ZCCHC17: variants seen among roughly 807,000 people sequenced by gnomAD.
ZCCHC17 encodes the protein zinc finger CCHC-type containing 17.
A neutral mutation model predicts 30.6 loss-of-function variants in ZCCHC17; 18 were observed. The observed-to-expected ratio is 0.59, with a 90% CI of 0.41 to 0.87. The LOEUF is 0.87. Ranked by LOEUF, ZCCHC17 falls within the 40% of genes least tolerant of loss-of-function variation. The probability of loss-of-function intolerance (pLI) is 0.00; values close to 1 mark genes in which losing one functional copy is unlikely to be tolerated. For synonymous variants in ZCCHC17, 88 were observed against 92.4 expected (o/e 0.95, Z 0.27); for missense variants, 263 against 284.2 (o/e 0.93, Z 0.54).
intron 2 of ZCCHC17, among the ~76,000 whole-genome samples, chr1:31,318,472 C>G (rs1338657732): frequency 6.6e-6 from 1 of 152,158 alleles, no homozygotes; most frequent in Non-Finnish European, 1.5e-5. Flanking sequence ...TCTTAGACAA[C>G]TCTGCAGAAG....
chr1:31,317,750 G>T (rs1357992969), intron 2 of ZCCHC17, among the ~76,000 whole-genome samples: 1 of 152,090 alleles, frequency 6.6e-6, no homozygotes, highest in African/African-American at 2.4e-5. Flanking sequence ...CTACAGGCAC[G>T]TTGCACAGCA....
rs774162629 is a variant in ZCCHC17 at position 31,338,966 on chromosome 1, G to C, written c.235G>C (p.Asp79His). The C allele has an allele frequency of 6.2e-7, 1 of 1,605,952 alleles. No homozygotes were observed. The highest frequency in any genetic ancestry group is 8.5e-7 in the Non-Finnish European group (1 of 1,177,944). Residue 79 changes from aspartate to histidine, a missense_variant, in exon 5 of 8, where the codon GAT becomes CAT. Transcript: ENST00000344147. ...TTTTGGTCTCTTTCAGATGAAAAAT[G>C]ATAGAATAAAAGTATCCCTCTCCAT... ...VKLIGREMKN[D>H]RIKVSLSMKV...
At chr1:31,340,643 G>C (rs1639016865) in intron 5 of ZCCHC17, among the ~76,000 whole-genome samples, 1 of 152,300 alleles carries the variant, frequency 6.6e-6, no homozygotes, top group Non-Finnish European at 1.5e-5. Context: ...ACTGTTTTTA[G>C]TGTTTTAGAA....
chr1:31,301,334 T>C (rs902998320), intron 1 of ZCCHC17, among the ~76,000 whole-genome samples: 4 of 152,182 alleles, frequency 2.6e-5, no homozygotes, highest in African/African-American at 9.7e-5. Context: ...TCCCTAAAAA[T>C]GATTTGAATC....
intron 7 of ZCCHC17, among the ~76,000 whole-genome samples, chr1:31,349,946 A>T (rs1639410162): frequency 6.6e-6 from 1 of 152,218 alleles, no homozygotes; most frequent in South Asian, 2.1e-4. Flanking sequence ...TTAGGGCTTT[A>T]ACGCTCTTGA....
intron 7 of ZCCHC17, 120 bp from the exon 8 acceptor site, chr1:31,363,912 C>A: frequency 7.0e-7 from 1 of 1,426,728 alleles, no homozygotes; most frequent in Non-Finnish European, 9.2e-7. Context: ...TTCCTCCCAC[C>A]TCGGCTTCCC....
At chr1:31,320,894 C>T (rs1174862266) in intron 3 of ZCCHC17, among the ~76,000 whole-genome samples, 1 of 152,292 alleles carries the variant, frequency 6.6e-6, no homozygotes, top group East Asian at 1.9e-4. Context: ...ATTTTACATT[C>T]CTACCAGCAA....
At chr1:31,304,481 A>T (rs1646399725) in intron 1 of ZCCHC17, among the ~76,000 whole-genome samples, 1 of 150,962 alleles carries the variant, frequency 6.6e-6, no homozygotes, top group Non-Finnish European at 1.5e-5. Context: ...ATGGGGTTTC[A>T]TCGTGTTGCC....
At chr1:31,346,429 A>T (rs562629711) in intron 5 of ZCCHC17, 36 of 464,038 alleles carry the variant, frequency 7.8e-5, no homozygotes, top group Non-Finnish European at 1.2e-4. Flanking sequence ...TCCTCTGTGC[A>T]TTAGTGAGAT....
Position 31,318,172 on chromosome 1 carries a change from G to A in ZCCHC17, c.67-937G>A, listed in dbSNP as rs753677173. 59 of 1,534,642 alleles carry A rather than the reference G, an allele frequency of 3.8e-5. No homozygotes were observed. In the South Asian group the frequency reaches 5.8e-4, roughly 15 times the overall value. On this transcript the variant is annotated intron_variant, in intron 2 of 7. Coordinates refer to ENST00000344147, the MANE Select transcript of ZCCHC17 (RefSeq NM_016505.4). ...ATTTACTCCCCTTGTTTTAGTTATG[G>A]TGAAGCTGAAACAGTGCTCAAGATG...
intron 1 of ZCCHC17, among the ~76,000 whole-genome samples, chr1:31,299,971 C>T (rs917198726): frequency 3.3e-5 from 5 of 152,200 alleles, no homozygotes; most frequent in African/African-American, 9.7e-5. Context: ...GTATTCTCTG[C>T]TAGAGGATTT....
At chr1:31,330,873 T>G (rs1341455483) in intron 3 of ZCCHC17, among the ~76,000 whole-genome samples, 3 of 152,222 alleles carry the variant, frequency 2.0e-5, no homozygotes, top group African/African-American at 7.2e-5. Context: ...GTCATCTGAC[T>G]TTTGGTGGTG....
In ZCCHC17 at chr1:31,323,848, G is replaced by A. The variant is rs900109402; in HGVS notation, c.124+4682G>A. Among the ~76,000 whole-genome samples the A allele has an allele frequency of 3.3e-5, 5 of 152,272 alleles. No homozygotes were observed. In the South Asian group the frequency reaches 1.0e-3, roughly 32 times the overall value. ...GCATAATTTCACAGACTTTGGCAAT[G>A]CCTATTAACATCTTTTATGTGCTTA... On this transcript the variant is annotated intron_variant, in intron 3 of 7. Transcript: ENST00000344147.
At chr1:31,344,922 G>A (rs1055450118) in intron 5 of ZCCHC17, among the ~76,000 whole-genome samples, 2 of 151,784 alleles carry the variant, frequency 1.3e-5, no homozygotes, top group African/African-American at 2.4e-5. Context: ...GTACAGTGGT[G>A]CAGTCCGCTC....
Position 31,342,640 on chromosome 1 carries a change from TAGG to T in ZCCHC17, c.317+3596_317+3598del, listed in dbSNP as rs541829737. Among the ~76,000 whole-genome samples, 273 of 152,334 alleles carry T rather than the reference TAGG, an allele frequency of 1.8e-3. 1 individual carries two copies. The highest frequency in any genetic ancestry group is 1.1e-3 in the Non-Finnish European group (73 of 68,026). ...GAATCTAATGCTGCTGCTGATCTGA[TAGG>T]AGGCGGAGCTCAGGTGGTAATGCTC... On this transcript the variant is annotated intron_variant, in intron 5 of 7. Transcript: ENST00000344147.
intron 7 of ZCCHC17, among the ~76,000 whole-genome samples, chr1:31,354,589 AC>A (rs1639577782): frequency 6.6e-6 from 1 of 152,124 alleles, no homozygotes; most frequent in African/African-American, 2.4e-5. Flanking sequence ...GGTAAATGGT[AC>A]TTGTTACATT....
At chr1:31,328,478 A>T (rs1638446337) in intron 3 of ZCCHC17, among the ~76,000 whole-genome samples, 1 of 152,158 alleles carries the variant, frequency 6.6e-6, no homozygotes, top group East Asian at 1.9e-4. Context: ...ACTGCACTCC[A>T]GCCTGGGTGA....
intron 3 of ZCCHC17, among the ~76,000 whole-genome samples, chr1:31,331,052 A>C (rs1428563011): frequency 1.3e-5 from 2 of 152,260 alleles, no homozygotes; most frequent in African/African-American, 4.8e-5. Context: ...AGATGCAAAC[A>C]AGATAATCTG....
intron 3 of ZCCHC17, 119 bp downstream of exon 3, chr1:31,319,285 T>G: frequency 2.3e-6 from 2 of 854,400 alleles, no homozygotes; most frequent in East Asian, 2.5e-5. Context: ...TTTGTTTTCT[T>G]TTTAATGTAT....
Sources: gnomAD v4.1 joint callset for allele counts (sites outside exome capture counted in the v4.1 genomes callset) on GRCh38, gnomAD v4.1.1 for gene constraint, MANE v1.5 for transcripts, NCBI Gene and HGNC (gene_info 2026-07-23, HGNC 2026-07-21) for gene names.